PCDH15: variants seen among roughly 807,000 people sequenced by gnomAD.
The protein encoded by PCDH15 is protocadherin related 15.
A neutral mutation model predicts 178.5 loss-of-function variants in PCDH15; 129 were observed. That is an observed-to-expected ratio of 0.72 (90% CI 0.63 to 0.84). The LOEUF (loss-of-function observed/expected upper bound fraction) is 0.84, where lower values mean the gene tolerates loss of function less well. Among genes scored for constraint, PCDH15 ranks in the 40% least tolerant of loss-of-function variants. The pLI is 0.00. For missense variants in PCDH15, 2,230 were observed against 2,099.9 expected (o/e 1.06, Z -1.21); for synonymous variants, 800 against 732.0 (o/e 1.09, Z -1.50).
At position 53,931,613 on chromosome 10, in the gene PCDH15, A is replaced by C. The variant is rs557084529; in HGVS notation, c.3373+7202T>G. On this transcript the variant is annotated intron_variant, in intron 25 of 37. Transcript: ENST00000644397. The stretch of plus-strand genomic sequence containing the variant: ...TAATATGAAAATATAGAATTATAAA[A>C]CTCTATTATTTTCTTTCATACTATC... Among the ~76,000 whole-genome samples the C allele has an allele frequency of 3.2e-4, 49 of 152,126 alleles. No homozygotes were observed. In the Middle Eastern group the frequency reaches 0.01, roughly 32 times the overall value.
At chr10:54,705,492 C>G (rs113055977) in intron 1 of PCDH15, among the ~76,000 whole-genome samples, 1 of 152,104 alleles carries the variant, frequency 6.6e-6, no homozygotes, top group East Asian at 1.9e-4. Context: ...CTCCCCAAAC[C>G]TCAATTTCAT....
chr10:55,571,359 T>C (rs889943577), intron 2 of PCDH15, among the ~76,000 whole-genome samples: 2 of 152,074 alleles, frequency 1.3e-5, no homozygotes, highest in African/African-American at 4.8e-5. Flanking sequence ...TCTCAGGTAT[T>C]CCTTACAGAA....
chr10:53,943,423 C>A (rs1241425423), intron 23 of PCDH15, among the ~76,000 whole-genome samples: 3 of 151,804 alleles, frequency 2.0e-5, no homozygotes, highest in Non-Finnish European at 4.4e-5. Flanking sequence ...TTGCAATGAG[C>A]CAAGATCACG....
intron 3 of PCDH15, among the ~76,000 whole-genome samples, chr10:54,470,305 C>T (rs966620048): frequency 7.9e-5 from 12 of 152,120 alleles, no homozygotes; most frequent in African/African-American, 1.4e-4. Flanking sequence ...TGCTTTTAAG[C>T]GTGTGGCGAC....
chr10:55,089,115 T>C (rs2132033839), intron 2 of PCDH15, among the ~76,000 whole-genome samples: 1 of 152,308 alleles, frequency 6.6e-6, no homozygotes, highest in African/African-American at 2.4e-5. Flanking sequence ...AAAATTTCTA[T>C]TTCCTTCAAG....
At chr10:54,998,359 G>A (rs540877905) in intron 2 of PCDH15, among the ~76,000 whole-genome samples, 3 of 151,860 alleles carry the variant, frequency 2.0e-5, no homozygotes, top group Admixed American at 1.3e-4. Flanking sequence ...TGCACATTGT[G>A]CACATGTATC....
chr10:54,529,170 G>A (rs1243356293), intron 2 of PCDH15, among the ~76,000 whole-genome samples: 9 of 148,786 alleles, frequency 6.0e-5, no homozygotes, highest in South Asian at 2.1e-4. Context: ...AGGTATGTAC[G>A]CTCTCATATG....
chr10:53,927,220 A>T (rs1162713503), intron 25 of PCDH15, among the ~76,000 whole-genome samples: 4 of 152,110 alleles, frequency 2.6e-5, no homozygotes, highest in African/African-American at 9.7e-5. Flanking sequence ...GGGGACCCAC[A>T]AAACCTTTAC....
chr10:54,395,046 G>A (rs1951029611), intron 3 of PCDH15, among the ~76,000 whole-genome samples: 1 of 151,996 alleles, frequency 6.6e-6, no homozygotes, highest in Non-Finnish European at 1.5e-5. Flanking sequence ...CACACATGCT[G>A]TACAATTTGT....
At chr10:55,052,963 C>T (rs1457533413) in intron 2 of PCDH15, among the ~76,000 whole-genome samples, 1 of 152,090 alleles carries the variant, frequency 6.6e-6, no homozygotes, top group Non-Finnish European at 1.5e-5. Flanking sequence ...TTGAACATTT[C>T]AGGGAAGGAC....
chr10:53,944,998 G>T (rs2086408967), intron 23 of PCDH15, among the ~76,000 whole-genome samples: 1 of 152,132 alleles, frequency 6.6e-6, no homozygotes, highest in Non-Finnish European at 1.5e-5. Context: ...AAATCTACAG[G>T]CTTTGACTAA....
chr10:55,483,988 G>A (rs952693506), intron 2 of PCDH15, among the ~76,000 whole-genome samples: 9 of 151,634 alleles, frequency 5.9e-5, no homozygotes, highest in East Asian at 1.9e-4. Flanking sequence ...GAATGACATC[G>A]TGTCCTTTGC....
chr10:54,331,606 T>G (rs2133913991), intron 6 of PCDH15, among the ~76,000 whole-genome samples: 1 of 152,178 alleles, frequency 6.6e-6, no homozygotes, highest in Admixed American at 6.6e-5. Context: ...GGGCAAAACC[T>G]TAGTTAATAA....
At chr10:54,999,283 G>T (rs1357985695) in intron 2 of PCDH15, among the ~76,000 whole-genome samples, 2 of 139,244 alleles carry the variant, frequency 1.4e-5, no homozygotes, top group African/African-American at 5.3e-5. Context: ...GAGCTTTGAG[G>T]ATTCTGGAAA....
intron 8 of PCDH15, among the ~76,000 whole-genome samples, chr10:54,245,725 A>C (rs1422223489): frequency 6.6e-6 from 1 of 151,452 alleles, no homozygotes; most frequent in African/African-American, 2.4e-5. Context: ...GGAAATAAAA[A>C]GCAGGTTAAG....
chr10:53,819,063 A>C (rs1021859348), intron 33 of PCDH15, among the ~76,000 whole-genome samples: 4 of 152,072 alleles, frequency 2.6e-5, no homozygotes, highest in Admixed American at 2.6e-4. Flanking sequence ...TAGAGTGCTT[A>C]CACGGTTCTG....
rs150330122 is a variant in PCDH15, at chr10:55,310,994, T to C, written c.-156+8605A>G. Among the ~76,000 whole-genome samples the C allele has an allele frequency of 5.0e-3, 761 of 152,302 alleles. 11 individuals carry two copies. The highest frequency in any genetic ancestry group is 0.017 in the African/African-American group (708 of 41,568). ...CCTATGTAACAAAACTGCACATGTATCACAAAACTTAAAGTATAATAATTT... is the reference window on the plus strand; with the variant it reads ...CCTATGTAACAAAACTGCACATGTACCACAAAACTTAAAGTATAATAATTT... On this transcript the variant is annotated intron_variant, in intron 1 of 5. Transcript: ENST00000458638.
intron 2 of PCDH15, among the ~76,000 whole-genome samples, chr10:54,900,964 T>C (rs541660283): frequency 6.6e-6 from 1 of 152,276 alleles, no homozygotes; most frequent in African/African-American, 2.4e-5. Context: ...TTTTCACATT[T>C]AGGGTATCAT....
At chr10:53,980,390 A>G (rs1301271591) in intron 21 of PCDH15, among the ~76,000 whole-genome samples, 1 of 152,140 alleles carries the variant, frequency 6.6e-6, no homozygotes, top group Non-Finnish European at 1.5e-5. Flanking sequence ...AATGTGTGGG[A>G]TTCTAAAGGC....
Sources: allele counts gnomAD v4.1 joint callset (sites outside exome capture counted in the v4.1 genomes callset), GRCh38; gene constraint gnomAD v4.1.1; transcripts MANE v1.5; gene names NCBI Gene and HGNC (gene_info 2026-07-23, HGNC 2026-07-21).